DDX11: variants seen among roughly 807,000 people sequenced by gnomAD.
DDX11 encodes the protein DEAD/H-box helicase 11, also known as ATP-dependent DNA helicase DDX11.
A neutral mutation model predicts 125.2 loss-of-function variants in DDX11; 72 were observed. That is an observed-to-expected ratio of 0.58 (90% CI 0.48 to 0.70). The LOEUF (loss-of-function observed/expected upper bound fraction) is 0.70, where lower values mean the gene tolerates loss of function less well. DDX11 is among the 30% of genes least tolerant of loss of function. DDX11 has a pLI of 0.00. For missense variants in DDX11, 883 were observed against 1,165.0 expected, an observed-to-expected ratio of 0.76 and a Z score of 3.52; for synonymous variants, 347 against 452.6, an observed-to-expected ratio of 0.77 and a Z score of 2.96.
chr12:31,079,896 T>C (rs1469494967), intron 2 of DDX11, among the ~76,000 whole-genome samples: 2 of 151,858 alleles, frequency 1.3e-5, no homozygotes, highest in South Asian at 2.1e-4. Flanking sequence ...CATTTTTACC[T>C]TGGAGCCCTC....
At chr12:31,079,804 G>C (rs1941510049) in intron 2 of DDX11, among the ~76,000 whole-genome samples, 1 of 152,018 alleles carries the variant, frequency 6.6e-6, no homozygotes, top group Non-Finnish European at 1.5e-5. Flanking sequence ...AGCTTCTTTT[G>C]TTTTGTTTTT....
chr12:31,078,131 A>G (rs1941064155), intron 1 of DDX11: 1 of 1,237,712 alleles, frequency 8.1e-7, no homozygotes, highest in East Asian at 3.5e-5. Flanking sequence ...GGTGAAATGC[A>G]GGGGAGATTG....
chr12:31,078,297 T>G (rs1321996236), intron 1 of DDX11, 93 bp from the exon 2 acceptor site: 1 of 1,610,778 alleles, frequency 6.2e-7, no homozygotes. Flanking sequence ...TGGTAATAAG[T>G]GTGGAGACTG....
chr12:31,083,261 C>A (rs1942337667), intron 2 of DDX11, among the ~76,000 whole-genome samples: 1 of 151,546 alleles, frequency 6.6e-6, no homozygotes, highest in African/African-American at 2.4e-5. Context: ...CATAGCAAGA[C>A]CTCCTCTCAA....
At chr12:31,094,024 G>A (rs1428538106) in intron 12 of DDX11, among the ~76,000 whole-genome samples, 2 of 151,576 alleles carry the variant, frequency 1.3e-5, no homozygotes, top group East Asian at 3.9e-4. Flanking sequence ...GTTGATAGAC[G>A]CATAAACTAG....
intron 1 of DDX11, among the ~76,000 whole-genome samples, chr12:31,074,766 G>A (rs1186698982): frequency 6.6e-6 from 1 of 152,206 alleles, no homozygotes; most frequent in Non-Finnish European, 1.5e-5. Flanking sequence ...TTGGGGCTGT[G>A]GTGCTTTCCA....
intron 18 of DDX11, among the ~76,000 whole-genome samples, chr12:31,099,076 C>CTTTTTTTTTTTTTTTT (rs1945864738): frequency 3.3e-5 from 2 of 60,554 alleles, no homozygotes; most frequent in African/African-American, 7.9e-5. Context: ...GTATTTCTTT[C>CTTTTTTTTTTTTTTTT]TTTCTTTCTT....
Position 31,100,631 on chromosome 12 carries a change from AC to A in DDX11, c.1876-3del. 8 of 1,552,100 alleles carry A rather than the reference AC, an allele frequency of 5.2e-6. No individual in the cohort carries two copies. The highest frequency in any genetic ancestry group is 3.5e-6 in the Non-Finnish European group (4 of 1,147,076). ...GGCCGTGACGCTGTGGCCTTGGTCT[AC>A]AGGTGTCTGACTTCCGGCAGCAGCT... On this transcript the variant is annotated splice_region_variant and splice_polypyrimidine_tract_variant and intron_variant, in intron 18 of 26. Coordinates refer to ENST00000542838, the MANE Select transcript of DDX11 (RefSeq NM_030653.4).
intron 18 of DDX11, among the ~76,000 whole-genome samples, chr12:31,099,084 C>CTTTTT (rs763612105): frequency 3.1e-4 from 20 of 63,714 alleles, no homozygotes; most frequent in African/African-American, 7.9e-4. Flanking sequence ...TTCTTTCTTT[C>CTTTTT]TTTTTTTTTT....
At chr12:31,075,793 A>G (rs1940617325) in intron 1 of DDX11, among the ~76,000 whole-genome samples, 1 of 152,234 alleles carries the variant, frequency 6.6e-6, no homozygotes, top group Non-Finnish European at 1.5e-5. Context: ...AGGTTCCTCT[A>G]TTTATGGAAC....
chr12:31,075,461 C>G (rs1444939379), intron 1 of DDX11, among the ~76,000 whole-genome samples: 2 of 151,918 alleles, frequency 1.3e-5, no homozygotes, highest in East Asian at 3.9e-4. Flanking sequence ...AGTTCAAGCA[C>G]TTGCTGAGTG....
In DDX11 at chr12:31,093,104, G is replaced by C. The variant is rs1389927829; in HGVS notation, c.1290-141G>C. 5 of 1,067,212 alleles carry C rather than the reference G, an allele frequency of 4.7e-6. No homozygotes were observed. The African/African-American group carries it at 7.9e-5, about 17-fold the overall frequency. The allele number at this position is 1,067,212 out of a possible 1,614,324, so 66.1% of individuals were successfully genotyped here. On this transcript the variant is annotated intron_variant, in intron 11 of 26. Transcript: ENST00000542838. ...ACCGCTGGCTCTGAGGCCTGGGGCC[G>C]TGGCCAGCCTGCTCTCTGGGAAAGG... is the stretch of plus-strand genomic sequence containing the variant.
chr12:31,080,315 C>T (rs1291023324), intron 2 of DDX11, among the ~76,000 whole-genome samples: 3 of 152,150 alleles, frequency 2.0e-5, no homozygotes, highest in Non-Finnish European at 2.9e-5. Flanking sequence ...TGGAGAGTCC[C>T]CCTCAGTGCC....
rs1243289689 is a variant in DDX11, at chr12:31,102,509, T to A, written c.2354T>A (p.Phe785Tyr). 3 of 1,613,666 alleles carry A rather than the reference T, an allele frequency of 1.9e-6. No homozygotes were observed. Among genetic ancestry groups the A allele is most frequent in the Admixed American group, 3.3e-5 (2 of 59,988 alleles). Residue 785 changes from phenylalanine (F) to tyrosine (Y), a missense_variant, in exon 23 of 27, where the codon TTC (phenylalanine) becomes TAC (tyrosine). By Grantham distance (22) the Phe-to-Tyr change is conservative (BLOSUM62 3). This residue lies in a region of DDX11 where 285 missense variants were observed against 346.0 expected (regional missense o/e 0.82). Coordinates refer to ENST00000542838, the MANE Select transcript of DDX11 (RefSeq NM_030653.4). ...VGGKMSEGINFSDNLGRCVVM... is the reference protein window; with the variant it reads ...VGGKMSEGINYSDNLGRCVVM... ...GGAAAGATGAGTGAAGGGATCAACT[T>A]CTCTGACAACCTAGGCCGGTAAGTA...
chr12:31,097,153 G>C (rs1159005903), intron 17 of DDX11, among the ~76,000 whole-genome samples, 163 bp downstream of exon 17: 4 of 151,698 alleles, frequency 2.6e-5, no homozygotes, highest in Non-Finnish European at 4.4e-5. Flanking sequence ...GCAAGCAGTG[G>C]AGGTGGATGG....
intron 10 of DDX11, among the ~76,000 whole-genome samples, chr12:31,092,583 C>A (rs1944427533): frequency 6.6e-6 from 1 of 152,036 alleles, no homozygotes; most frequent in East Asian, 1.9e-4. Context: ...CAGGGAGATT[C>A]CATACTTGAG....
At chr12:31,095,683 C>G (rs1299205558) in intron 14 of DDX11, among the ~76,000 whole-genome samples, 1 of 152,194 alleles carries the variant, frequency 6.6e-6, no homozygotes, top group African/African-American at 2.4e-5. Context: ...GCCTGACAGC[C>G]TGAGACAGTC....
chr12:31,098,003 G>A lies in DDX11; in HGVS notation c.1875+6G>A, dbSNP rs1407200057. The A allele has an allele frequency of 8.1e-5, 131 of 1,611,996 alleles. No individual in the cohort carries two copies. Among genetic ancestry groups the A allele is most frequent in the Non-Finnish European group, 1.1e-4 (124 of 1,178,448 alleles). On this transcript the variant is annotated splice_donor_region_variant and intron_variant, in intron 18 of 26. Transcript: ENST00000542838. The stretch of plus-strand genomic sequence containing the variant: ...CGGGGGGTACCATGCAGCCGGTAAG[G>A]ACACCTTTCCCAGCCCCTCGTGCCC...
intron 19 of DDX11, 96 bp from the exon 20 acceptor site, chr12:31,100,931 C>A: frequency 8.0e-7 from 1 of 1,253,102 alleles, no homozygotes; most frequent in South Asian, 1.2e-5. Flanking sequence ...AGTCGCTGTT[C>A]CTGTGCTGGA....
Sources: gnomAD v4.1 joint callset for allele counts (sites outside exome capture counted in the v4.1 genomes callset) on GRCh38, gnomAD v4.1.1 for gene constraint, gnomAD v4.1.1 regional missense constraint, MANE v1.5 for transcripts, NCBI Gene and HGNC (gene_info 2026-07-23, HGNC 2026-07-21) for gene names.